PHLDB1: variants seen among roughly 807,000 people sequenced by gnomAD.
PHLDB1 encodes the protein pleckstrin homology-like domain family B member 1.
Under a neutral mutation model 139.3 loss-of-function variants are expected in PHLDB1, and 65 were observed. That is an observed-to-expected ratio of 0.47 (90% CI 0.38 to 0.57). The LOEUF (loss-of-function observed/expected upper bound fraction) is 0.57, where lower values mean the gene tolerates loss of function less well. Ranked by LOEUF, PHLDB1 falls within the 20% of genes least tolerant of loss-of-function variation. The pLI is 0.00. For synonymous variants in PHLDB1, 679 were observed against 734.5 expected, an observed-to-expected ratio of 0.92 and a Z score of 1.22; for missense variants, 1,624 against 1,839.7, an observed-to-expected ratio of 0.88 and a Z score of 2.14.
At chr11:118,654,386 A>G (rs1157068043) in intron 20 of PHLDB1, 2 of 152,162 alleles carry the variant, frequency 1.3e-5, no homozygotes, top group Non-Finnish European at 2.9e-5. Context: ...TGTGCTTCCT[A>G]TCTTTTTTTT....
chr11:118,650,344 G>A lies in PHLDB1; in HGVS notation c.3772-101G>A, dbSNP rs1049909674. 2.0e-6 allele frequency: 2 copies of A among 1,011,566 alleles called. No individual in the cohort carries two copies. The highest frequency in any genetic ancestry group is 2.4e-5 in the East Asian group (1 of 42,090). The allele number at this position is 1,011,566 out of a possible 1,614,324, so 62.7% of individuals were successfully genotyped here. On this transcript the variant is annotated intron_variant, in intron 19 of 22. Transcript: ENST00000600882. This position sits in a 1 kb window ranked among gnomAD's most constrained non-coding sequence, Gnocchi z 4.7. ...ACCTGGTGTGCTGGCCTGAGGAGAT[G>A]TTGGGGACAATCCCCCATGAATACA...
intron 12 of PHLDB1, 97 bp from the exon 13 acceptor site, chr11:118,642,157 C>T (rs1555121596): frequency 2.6e-6 from 3 of 1,138,674 alleles, no homozygotes; most frequent in South Asian, 2.5e-5. Flanking sequence ...TTTCTTCTTT[C>T]TCCCTTCTCC....
At chr11:118,629,431 G>A (rs1484234369) in intron 6 of PHLDB1, among the ~76,000 whole-genome samples, 1 of 152,244 alleles carries the variant, frequency 6.6e-6, no homozygotes, top group East Asian at 1.9e-4. Flanking sequence ...GGGAGCTTAA[G>A]GGGCTCTGGC....
At position 118,643,931 on chromosome 11, in the gene PHLDB1, C is replaced by A; in HGVS notation, c.3009C>A (p.Pro1003=). Reference sequence around the variant, plus strand: ...GCGTGGCTACCCTGGGGCGTAGCCCCTCCCCAAAGGTCTGAGGACAGTGGG... The same window carrying A: ...GCGTGGCTACCCTGGGGCGTAGCCCATCCCCAAAGGTCTGAGGACAGTGGG... ...QLSVATLGRS[P]SPKSALLTQN... The change falls in exon 14 of 23, where the codon CCC becomes CCA. Residue 1003 remains proline (P), a synonymous_variant. Coordinates refer to ENST00000600882, the MANE Select transcript of PHLDB1 (RefSeq NM_001144758.3). 6.2e-7 allele frequency: 1 copy of A among 1,600,024 alleles called. No homozygotes were observed. Among genetic ancestry groups the A allele is most frequent in the Admixed American group, 1.7e-5 (1 of 58,668 alleles).
In PHLDB1 at chr11:118,632,362, T is replaced by C; in HGVS notation, c.2379+66T>C. On this transcript the variant is annotated intron_variant, in intron 9 of 22. Coordinates refer to ENST00000600882, the MANE Select transcript of PHLDB1 (RefSeq NM_001144758.3). This position sits in a 1 kb window ranked among gnomAD's most constrained non-coding sequence, Gnocchi z 5.9. ...GCCTGGGAGAGAAGGAGAAATGTCT[T>C]CTCTGGGGCCCTGTACCCTTCACCT... 6.5e-7 allele frequency: 1 copy of C among 1,527,274 alleles called. No individual in the cohort carries two copies. The highest frequency in any genetic ancestry group is 9.0e-7 in the Non-Finnish European group (1 of 1,105,984). The allele number at this position is 1,527,274 out of a possible 1,614,324, so 94.6% of individuals were successfully genotyped here. A position where few individuals can be genotyped will look rare whatever the true frequency, so the allele number is the denominator to read the frequency against.
At chr11:118,625,383 C>G (rs952638542) in intron 5 of PHLDB1, among the ~76,000 whole-genome samples, 1 of 152,180 alleles carries the variant, frequency 6.6e-6, no homozygotes, top group African/African-American at 2.4e-5. Flanking sequence ...GCCTCACCCT[C>G]TAGGGTACCC....
chr11:118,622,372 T>G (rs1186878838), intron 4 of PHLDB1, among the ~76,000 whole-genome samples: 1 of 152,202 alleles, frequency 6.6e-6, no homozygotes, highest in African/African-American at 2.4e-5. Flanking sequence ...AAAGTTAATT[T>G]GGGCAGGAGC....
chr11:118,628,171 G>A lies in PHLDB1; in HGVS notation c.1348G>A (p.Gly450Ser). 1 of 1,614,058 alleles carries A rather than the reference G, an allele frequency of 6.2e-7. No homozygotes were observed. Among genetic ancestry groups the A allele is most frequent in the Non-Finnish European group, 8.5e-7 (1 of 1,180,010 alleles). ...PPESPRLGRR[G>S]LDSMRELPPL... ...TGAGAGTCCCCGCCTGGGCCGGCGG[G>A]GCCTGGACAGTATGCGAGAACTACC... The change falls in exon 6 of 23, where the codon GGC becomes AGC. Residue 450 changes from glycine to serine, a missense_variant. By Grantham distance (56) the Gly-to-Ser change is moderately conservative. Transcript: ENST00000600882.
Position 118,628,569 on chromosome 11 carries a change from C to G in PHLDB1, c.1746C>G (p.Ile582Met). The change falls in exon 6 of 23, where the codon ATC becomes ATG. Residue 582 changes from isoleucine (I) to methionine (M), a missense_variant. By Grantham distance (10) the Ile-to-Met change is conservative. Coordinates refer to ENST00000600882, the MANE Select transcript of PHLDB1 (RefSeq NM_001144758.3). ...AGCGGAAAAATAGCATCACAGAGAT[C>G]AGTGACAATGAGGACGACCTCCTGG... ...TRERKNSITE[I>M]SDNEDDLLEY... The G allele has an allele frequency of 1.2e-6, 2 of 1,613,164 alleles. No homozygotes were observed. Among genetic ancestry groups the G allele is most frequent in the Admixed American group, 1.7e-5 (1 of 60,032 alleles).
At position 118,645,503 on chromosome 11, in the gene PHLDB1, C is replaced by T; in HGVS notation, c.3269C>T (p.Ser1090Phe). The T allele has an allele frequency of 6.2e-7, 1 of 1,612,532 alleles. No individual in the cohort carries two copies. The highest frequency in any genetic ancestry group is 8.5e-7 in the Non-Finnish European group (1 of 1,179,324). Residue 1090 changes from serine to phenylalanine, a missense_variant, in exon 16 of 23, where the codon TCT (serine) becomes TTT (phenylalanine). Coordinates refer to ENST00000600882, the MANE Select transcript of PHLDB1 (RefSeq NM_001144758.3). This position sits in a 1 kb window ranked among gnomAD's most constrained non-coding sequence, Gnocchi z 5.1. ...GGCTTCCCCCCTCTCATGCACCACT[C>T]TATCCTACACCACCTGCCTGCGGGG... ...PSGFPPLMHH[S>F]ILHHLPAGRE...
At position 118,650,168 on chromosome 11, in the gene PHLDB1, G is replaced by A; in HGVS notation, c.3746G>A (p.Cys1249Tyr). The change falls in exon 19 of 23, where the codon TGC becomes TAC. Residue 1249 changes from cysteine to tyrosine, a missense_variant. By Grantham distance (194) the Cys-to-Tyr change is radical. Transcript: ENST00000600882. This position sits in a 1 kb window ranked among gnomAD's most constrained non-coding sequence, Gnocchi z 4.7. ...TCATCGGGCCATGGTGTTGATACCT[G>A]CCTGCACGTGGTGCTCAGCAGCAAG... ...IESSGHGVDT[C>Y]LHVVLSSKVC... 6.2e-7 allele frequency: 1 copy of A among 1,613,560 alleles called. No homozygotes were observed. The highest frequency in any genetic ancestry group is 8.5e-7 in the Non-Finnish European group (1 of 1,179,460).
chr11:118,622,498 G>A (rs561655228), intron 4 of PHLDB1, among the ~76,000 whole-genome samples: 7 of 152,318 alleles, frequency 4.6e-5, no homozygotes, highest in South Asian at 2.1e-4. Flanking sequence ...CCCTTATGCC[G>A]GGGAGGGTGA....
chr11:118,618,973 G>C (rs1591492817), intron 4 of PHLDB1, among the ~76,000 whole-genome samples: 1 of 152,072 alleles, frequency 6.6e-6, no homozygotes, highest in East Asian at 1.9e-4. Flanking sequence ...TATGAACATA[G>C]GAGCATGAAG....
At position 118,631,360 on chromosome 11, in the gene PHLDB1, T is replaced by G. The variant is rs534520871; in HGVS notation, c.1981T>G (p.Ser661Ala). Residue 661 changes from serine (S) to alanine (A), a missense_variant, in exon 7 of 23, where the codon TCT becomes GCT. Ser to Ala is a moderately conservative substitution (Grantham distance 99). Coordinates refer to ENST00000600882, the MANE Select transcript of PHLDB1 (RefSeq NM_001144758.3). ...GCCCTCACGAGGCCTTGCAGGGGCC[T>G]CTGGGCGGAGCAGCGAGGAGCCTGG... ...RRPSRGLAGASGRSSEEPGVA... is the reference protein window; with the variant it reads ...RRPSRGLAGAAGRSSEEPGVA... 2.2e-5 allele frequency: 34 copies of G among 1,533,216 alleles called. No individual in the cohort carries two copies. In the South Asian group the frequency reaches 4.0e-4, roughly 18 times the overall value. 95.0% of individuals were successfully genotyped at this position (1,533,216 alleles called of 1,614,324 possible).
chr11:118,627,852 C>T lies in PHLDB1; in HGVS notation c.1029C>T (p.Ala343=). Residue 343 remains alanine, a synonymous_variant, in exon 6 of 23, where the codon GCC becomes GCT. Transcript: ENST00000600882. ...DSPAATVLAE[A]RRATESPRLG... is the part of the protein sequence containing the mutation. ...CTGCAGCTACTGTCTTGGCGGAGGC[C>T]CGGAGAGCCACTGAGAGCCCCCGGC... The T allele has an allele frequency of 6.2e-7, 1 of 1,607,960 alleles. No homozygotes were observed. The highest frequency in any genetic ancestry group is 8.5e-7 in the Non-Finnish European group (1 of 1,179,838).
chr11:118,612,498 C>A (rs1555084944), intron 1 of PHLDB1, among the ~76,000 whole-genome samples: 2 of 152,164 alleles, frequency 1.3e-5, no homozygotes, highest in African/African-American at 4.8e-5. Flanking sequence ...TGGGGAGGTG[C>A]CAGGCCAGCT....
Position 118,650,140 on chromosome 11 carries a change from G to A in PHLDB1, c.3718G>A (p.Glu1240Lys). The change falls in exon 19 of 23, where the codon GAG (glutamate) becomes AAG (lysine). Residue 1240 changes from glutamate to lysine, a missense_variant. Transcript: ENST00000600882. The surrounding 1 kb of genome is among the most constrained non-coding windows in gnomAD (Gnocchi z 4.7). ...GGACTTTGACCTGAAGACACATATTGAGTCATCGGGCCATGGTGTTGATAC... is the reference window on the plus strand; with the variant it reads ...GGACTTTGACCTGAAGACACATATTAAGTCATCGGGCCATGGTGTTGATAC... ...KEDFDLKTHI[E>K]SSGHGVDTCL... The A allele has an allele frequency of 2.5e-6, 4 of 1,614,214 alleles. No homozygotes were observed. The African/African-American group carries it at 5.3e-5, about 22-fold the overall frequency.
chr11:118,643,998 G>A (rs1207123226), intron 14 of PHLDB1, 58 bp downstream of exon 14: 1 of 1,599,576 alleles, frequency 6.3e-7, no homozygotes, highest in Non-Finnish European at 8.5e-7. Flanking sequence ...TTCCACCCTG[G>A]GGAGAGGCCA....
rs1483311053 is a variant in PHLDB1 at position 118,608,881 on chromosome 11, C to T, written c.-22+1182C>T. On this transcript the variant is annotated intron_variant, in intron 1 of 22. Transcript: ENST00000600882. The surrounding 1 kb of genome is among the most constrained non-coding windows in gnomAD (Gnocchi z 6.7). ...CCCCGCTTACACGCGCCCCAGCTCA[C>T]ACATGCACCCCAGTCACACAGCCTA... Among the ~76,000 whole-genome samples the T allele has an allele frequency of 2.0e-5, 3 of 151,964 alleles. No individual in the cohort carries two copies. The highest frequency in any genetic ancestry group is 7.3e-5 in the African/African-American group (3 of 41,358).
Sources: gnomAD v4.1 joint callset for allele counts (sites outside exome capture counted in the v4.1 genomes callset) on GRCh38, gnomAD v4.1.1 for gene constraint, Gnocchi (gnomAD v3.1) non-coding constraint, MANE v1.5 for transcripts, NCBI Gene and HGNC (gene_info 2026-07-23, HGNC 2026-07-21) for gene names.